SLC35D2: variants seen among roughly 807,000 people sequenced by gnomAD.
The protein encoded by SLC35D2 is nucleotide sugar transporter SLC35D2.
Under a neutral mutation model 41.8 loss-of-function variants are expected in SLC35D2, and 43 were observed. The observed-to-expected ratio is 1.03, with a 90% CI of 0.81 to 1.33. The LOEUF (loss-of-function observed/expected upper bound fraction) is 1.33. SLC35D2 is among the 40% of genes most tolerant of loss of function. The probability of loss-of-function intolerance (pLI) is 0.00; values close to 1 mark genes in which losing one functional copy is unlikely to be tolerated. For missense variants in SLC35D2, 380 were observed against 408.4 expected (o/e 0.93, Z 0.60); for synonymous variants, 150 against 163.9 (o/e 0.92, Z 0.65).
At chr9:96,315,723 G>A (rs894999606), downstream of SLC35D2, among the ~76,000 whole-genome samples, 2 of 151,906 alleles carry the variant, frequency 1.3e-5, no homozygotes, top group African/African-American at 2.4e-5. Context: ...GTGAGCCACC[G>A]CACCTGGCTA....
At chr9:96,361,041 C>T (rs1469942541) in intron 3 of SLC35D2, among the ~76,000 whole-genome samples, 1 of 152,128 alleles carries the variant, frequency 6.6e-6, no homozygotes, top group Non-Finnish European at 1.5e-5. Context: ...CCACACTCAG[C>T]CCAGATTAGC....
intron 2 of SLC35D2, 130 bp from the exon 3 acceptor site, chr9:96,364,680 GA>G (rs1414071147): frequency 1.4e-6 from 1 of 689,996 alleles, no homozygotes; most frequent in African/African-American, 1.8e-5. Context: ...CTAGGTTCCA[GA>G]AAAAAATAAC....
intron 3 of SLC35D2, among the ~76,000 whole-genome samples, chr9:96,360,628 CAAAAAAAAAAAAA>C (rs906000581): frequency 2.5e-4 from 4 of 15,698 alleles, no homozygotes; most frequent in East Asian, 6.9e-4. Context: ...GACTTCATCT[CAAAAAAAAAAAAA>C]AAAAAAAAAA....
chr9:96,343,528 G>A (rs951886496), intron 8 of SLC35D2, among the ~76,000 whole-genome samples: 3 of 152,176 alleles, frequency 2.0e-5, no homozygotes, highest in East Asian at 1.9e-4. Context: ...CAAAATGTCC[G>A]TAATAGAAAG....
intron 9 of SLC35D2, among the ~76,000 whole-genome samples, chr9:96,328,376 A>G (rs544082465): frequency 2.6e-4 from 39 of 152,284 alleles, no homozygotes; most frequent in African/African-American, 8.9e-4. Context: ...TCAGCCTCCC[A>G]AAGTGCTGGG....
chr9:96,316,049 A>G (rs1277153405), downstream of SLC35D2, among the ~76,000 whole-genome samples: 1 of 152,226 alleles, frequency 6.6e-6, no homozygotes, highest in Non-Finnish European at 1.5e-5. Flanking sequence ...TTACAGGTAC[A>G]GCTAATACTA....
intron 1 of SLC35D2, among the ~76,000 whole-genome samples, chr9:96,373,251 T>C (rs1830786619): frequency 6.6e-6 from 1 of 152,174 alleles, no homozygotes; most frequent in Non-Finnish European, 1.5e-5. Context: ...CGATACCAAG[T>C]AGCCATAAAA....
intron 1 of SLC35D2, among the ~76,000 whole-genome samples, chr9:96,368,958 T>G (rs1830580084): frequency 1.3e-5 from 2 of 151,872 alleles, no homozygotes; most frequent in African/African-American, 4.8e-5. Flanking sequence ...AGAAACGGAG[T>G]TTCATCATGT....
chr9:96,376,402 C>T (rs1420273240), intron 1 of SLC35D2, among the ~76,000 whole-genome samples: 8 of 151,226 alleles, frequency 5.3e-5, no homozygotes, highest in Non-Finnish European at 8.8e-5. Flanking sequence ...GTCAGGAGTT[C>T]GAGACCAGCC....
chr9:96,367,198 C>T (rs1208687666), intron 2 of SLC35D2, among the ~76,000 whole-genome samples: 4 of 130,390 alleles, frequency 3.1e-5, no homozygotes, highest in Non-Finnish European at 4.6e-5. Flanking sequence ...CCAGCCTGGG[C>T]GACAGGCTGA....
At chr9:96,346,786 T>C (rs1437657346) in intron 6 of SLC35D2, among the ~76,000 whole-genome samples, 2 of 151,890 alleles carry the variant, frequency 1.3e-5, no homozygotes, top group Non-Finnish European at 2.9e-5. Flanking sequence ...GAAGGGAAAT[T>C]AATTTTAGTC....
At chr9:96,332,331 T>A (rs1175319266) in intron 9 of SLC35D2, among the ~76,000 whole-genome samples, 2 of 152,120 alleles carry the variant, frequency 1.3e-5, no homozygotes, top group Non-Finnish European at 2.9e-5. Flanking sequence ...GCCAAGGATG[T>A]GCTGGGAAGC....
At chr9:96,333,442 C>CA (rs1199062761) in intron 9 of SLC35D2, among the ~76,000 whole-genome samples, 1 of 150,806 alleles carries the variant, frequency 6.6e-6, no homozygotes. Context: ...TAAAAAAATA[C>CA]AAAAAAATTA....
intron 3 of SLC35D2, among the ~76,000 whole-genome samples, chr9:96,361,299 G>T (rs989650907): frequency 6.6e-6 from 1 of 152,132 alleles, no homozygotes; most frequent in Non-Finnish European, 1.5e-5. Context: ...TCCCCAATGT[G>T]ACTGTATTTG....
chr9:96,370,670 A>T (rs953412159), intron 1 of SLC35D2, among the ~76,000 whole-genome samples: 8 of 152,160 alleles, frequency 5.3e-5, no homozygotes, highest in African/African-American at 1.2e-4. Context: ...AAAATAAAAA[A>T]AAATAAATTT....
intron 6 of SLC35D2, among the ~76,000 whole-genome samples, chr9:96,348,504 T>G (rs572310709): frequency 1.2e-4 from 19 of 152,218 alleles, no homozygotes; most frequent in Middle Eastern, 3.4e-3. Flanking sequence ...GTGTGGAGGT[T>G]GTTTGTTACA....
intron 9 of SLC35D2, among the ~76,000 whole-genome samples, chr9:96,325,465 C>T (rs908765801): frequency 2.6e-5 from 4 of 152,160 alleles, no homozygotes; most frequent in African/African-American, 9.7e-5. Flanking sequence ...GGTGAATCAC[C>T]TGAAGTCAGG....
At chr9:96,323,643 G>A (rs1026746877) in intron 10 of SLC35D2, among the ~76,000 whole-genome samples, 1 of 151,906 alleles carries the variant, frequency 6.6e-6, no homozygotes, top group African/African-American at 2.4e-5. Flanking sequence ...GAAGTAAGAC[G>A]GGGCCGGGCT....
At chr9:96,381,909 G>T (rs557960065) in intron 1 of SLC35D2, among the ~76,000 whole-genome samples, 6 of 152,088 alleles carry the variant, frequency 3.9e-5, no homozygotes, top group Non-Finnish European at 8.8e-5. Context: ...TTGTACACTT[G>T]CTGCTCACTT....
Sources: allele counts gnomAD v4.1 joint callset (sites outside exome capture counted in the v4.1 genomes callset), GRCh38; gene constraint gnomAD v4.1.1; transcripts MANE v1.5; gene names NCBI Gene and HGNC (gene_info 2026-07-23, HGNC 2026-07-21).